Variants in NFXL1 observed in about 807,000 individuals in gnomAD.
NFXL1 encodes NF-X1-type zinc finger protein NFXL1.
Under a neutral mutation model 123.3 loss-of-function variants are expected in NFXL1, and 66 were observed. The observed-to-expected ratio is 0.54, with a 90% CI of 0.44 to 0.66. NFXL1 has a LOEUF of 0.66. NFXL1 is among the 30% of genes least tolerant of loss of function. The pLI is 0.00. For missense variants in NFXL1, 944 were observed against 1,125.6 expected (o/e 0.84, Z 2.31); for synonymous variants, 346 against 360.8 (o/e 0.96, Z 0.46).
chr4:47,856,223 A>G (rs1475911413), intron 19 of NFXL1, among the ~76,000 whole-genome samples: 1 of 152,150 alleles, frequency 6.6e-6, no homozygotes, highest in South Asian at 2.1e-4. Context: ...TGTGTTTCAC[A>G]TGTAAAATTT....
At chr4:47,855,699 CCT>C (rs1734371312) in intron 19 of NFXL1, among the ~76,000 whole-genome samples, 1 of 152,004 alleles carries the variant, frequency 6.6e-6, no homozygotes, top group African/African-American at 2.4e-5. Context: ...AAGAAAATGC[CCT>C]GTCCTTATAC....
At chr4:47,849,474 T>G (rs1308529777) in intron 22 of NFXL1, among the ~76,000 whole-genome samples, 1 of 152,214 alleles carries the variant, frequency 6.6e-6, no homozygotes, top group African/African-American at 2.4e-5. Context: ...GGAGGAAATG[T>G]AAACTTTAGT....
At chr4:47,890,773 G>T in intron 11 of NFXL1, 70 bp from the exon 12 acceptor site, 1 of 807,746 alleles carries the variant, frequency 1.2e-6, no homozygotes, top group Non-Finnish European at 2.1e-6. Context: ...GTCATTACTA[G>T]TTACAGAACT....
rs7686024 is a variant in NFXL1 at position 47,885,404 on chromosome 4, A to G, written c.1824+94T>C. 1,853 of 1,011,730 alleles carry G rather than the reference A, an allele frequency of 1.8e-3. 11 individuals carry two copies. Among genetic ancestry groups the G allele is most frequent in the Non-Finnish European group, 2.3e-3 (1,539 of 672,572 alleles). 62.7% of individuals were successfully genotyped at this position (1,011,730 alleles called of 1,614,324 possible). On this transcript the variant is annotated intron_variant, in intron 14 of 22. Transcript: ENST00000507489. ...GCTCCAAGCACAGTGCTTCCCAATA[A>G]GTGCTTAATCATTGCTCATTGAAAA...
At chr4:47,883,882 T>C (rs948603862) in intron 15 of NFXL1, among the ~76,000 whole-genome samples, 1 of 152,182 alleles carries the variant, frequency 6.6e-6, no homozygotes, top group Non-Finnish European at 1.5e-5. Flanking sequence ...GTTCAGCTCC[T>C]TAGAGCTCAG....
Position 47,875,277 on chromosome 4 carries a change from A to G in NFXL1, c.2096T>C (p.Leu699Pro), listed in dbSNP as rs779449336. 1.2e-6 allele frequency: 2 copies of G among 1,611,926 alleles called. No homozygotes were observed. The highest frequency in any genetic ancestry group is 3.3e-5 in the Admixed American group (2 of 59,804). ...CTTGGAGCACCCTTCCTCACAATGA[A>G]GGCATTCTGGGCCAGCCTGAAAAAC... ...TGKNKAGPECLHCEEGCSKSR... is the reference protein window; with the variant it reads ...TGKNKAGPECPHCEEGCSKSR... The change falls in exon 18 of 23, where the codon CTT (leucine) becomes CCT (proline). Residue 699 changes from leucine (L) to proline (P), a missense_variant. Leu to Pro is a moderately conservative substitution (Grantham distance 98). This residue lies in a region of NFXL1 where 301 missense variants were observed against 348.0 expected (regional missense o/e 0.86). Coordinates refer to ENST00000507489, the MANE Select transcript of NFXL1 (RefSeq NM_001278624.2).
In NFXL1 at chr4:47,875,108, T is replaced by C. The variant is rs1314433656; in HGVS notation, c.2246+19A>G. 1.9e-6 allele frequency: 3 copies of C among 1,540,450 alleles called. No homozygotes were observed. The Admixed American group carries it at 5.3e-5, about 27-fold the overall frequency. ...CAACTAATTGTAATAAAATAAGACT[T>C]TTTTTTCAGTCTACTTACCTACATT... On this transcript the variant is annotated intron_variant, in intron 18 of 22. Coordinates refer to ENST00000507489, the MANE Select transcript of NFXL1 (RefSeq NM_001278624.2).
chr4:47,861,499 T>C (rs6854253), intron 19 of NFXL1, among the ~76,000 whole-genome samples: 1 of 152,208 alleles, frequency 6.6e-6, no homozygotes, highest in South Asian at 2.1e-4. Flanking sequence ...AATTCTAAGT[T>C]ATAAATTAGC....
chr4:47,891,032 T>C (rs985807421), intron 11 of NFXL1, among the ~76,000 whole-genome samples: 2 of 152,134 alleles, frequency 1.3e-5, no homozygotes, highest in Non-Finnish European at 2.9e-5. Flanking sequence ...ACAATTAGTC[T>C]GGTTTTTAAA....
chr4:47,914,291 G>C, intron 1 of NFXL1, 74 bp downstream of exon 1: 1 of 1,059,580 alleles, frequency 9.4e-7, no homozygotes, highest in Non-Finnish European at 1.3e-6. Context: ...CGGAAACCCG[G>C]TGTGAGGGGC....
chr4:47,863,706 T>C (rs947331150), intron 18 of NFXL1, among the ~76,000 whole-genome samples: 4 of 152,104 alleles, frequency 2.6e-5, no homozygotes, highest in African/African-American at 4.8e-5. Context: ...AAAATAGTAA[T>C]TCACTTTAGA....
intron 15 of NFXL1, among the ~76,000 whole-genome samples, chr4:47,879,986 T>C (rs1052606109): frequency 6.6e-6 from 1 of 152,136 alleles, no homozygotes; most frequent in Non-Finnish European, 1.5e-5. Flanking sequence ...CTGGGTAATT[T>C]GGGTTTAATT....
chr4:47,856,437 C>T (rs889441207), intron 19 of NFXL1, among the ~76,000 whole-genome samples: 1 of 152,110 alleles, frequency 6.6e-6, no homozygotes, highest in African/African-American at 2.4e-5. Context: ...CCACCATAAA[C>T]TGAGGAACAT....
chr4:47,894,051 T>C (rs1736932635), intron 11 of NFXL1, 129 bp downstream of exon 11: 2 of 507,042 alleles, frequency 3.9e-6, no homozygotes, highest in Admixed American at 3.9e-5. Flanking sequence ...AGAATATTTA[T>C]TAATATATTA....
intron 19 of NFXL1, among the ~76,000 whole-genome samples, chr4:47,855,844 C>A (rs1190009851): frequency 6.6e-6 from 1 of 152,102 alleles, no homozygotes; most frequent in East Asian, 1.9e-4. Context: ...TAATTGTTTA[C>A]TGTCTTCCTA....
At chr4:47,861,507 A>G (rs1734765211) in intron 19 of NFXL1, among the ~76,000 whole-genome samples, 1 of 152,240 alleles carries the variant, frequency 6.6e-6, no homozygotes, top group South Asian at 2.1e-4. Flanking sequence ...GTTATAAATT[A>G]GCAACACCTG....
At chr4:47,864,096 A>G (rs955610278) in intron 18 of NFXL1, among the ~76,000 whole-genome samples, 1 of 152,176 alleles carries the variant, frequency 6.6e-6, no homozygotes. Context: ...CAAAGTTTTT[A>G]TGCTGGCTCT....
At chr4:47,865,488 GA>G (rs56109844) in intron 18 of NFXL1, among the ~76,000 whole-genome samples, 50,054 of 127,080 alleles carry the variant, frequency 0.39, 9,566 homozygotes, top group Non-Finnish European at 0.48. Context: ...CTATAACTAG[GA>G]AAAAAAAAAA....
Position 47,878,397 on chromosome 4 carries a change from G to T in NFXL1, c.2079+128C>A, listed in dbSNP as rs75366350. 1,424 of 668,348 alleles carry T rather than the reference G, an allele frequency of 2.1e-3. 7 individuals carry two copies. In the African/African-American group the frequency reaches 0.022, roughly 10 times the overall value. 41.4% of individuals were successfully genotyped at this position (668,348 alleles called of 1,614,324 possible). A position where few individuals can be genotyped will look rare whatever the true frequency, so the allele number is the denominator to read the frequency against. On this transcript the variant is annotated intron_variant, in intron 17 of 22. Transcript: ENST00000507489. ...AGCTGTCTTAGGAAAGGAAAAGAAG[G>T]AGAAGGGATGAGGGCAAAAAAAGAG...
Sources: gnomAD v4.1 joint callset for allele counts (sites outside exome capture counted in the v4.1 genomes callset) on GRCh38, gnomAD v4.1.1 for gene constraint, gnomAD v4.1.1 regional missense constraint, MANE v1.5 for transcripts, NCBI Gene and HGNC (gene_info 2026-07-23, HGNC 2026-07-21) for gene names.